NRG3: variants seen among roughly 807,000 people sequenced by gnomAD.
The protein encoded by NRG3 is neuregulin 3.
A neutral mutation model predicts 66.9 loss-of-function variants in NRG3; 31 were observed. That is an observed-to-expected ratio of 0.46 (90% confidence interval 0.35 to 0.63). The LOEUF is 0.63. NRG3 is among the 20% of genes least tolerant of loss of function. NRG3 has a pLI of 0.00. For synonymous variants in NRG3, 393 were observed against 359.4 expected (o/e 1.09, Z -1.06); for missense variants, 910 against 878.9 (o/e 1.04, Z -0.45).
chr10:82,365,930 G>GT (rs1379086802), intron 2 of NRG3, among the ~76,000 whole-genome samples: 1 of 152,118 alleles, frequency 6.6e-6, no homozygotes. Context: ...AGGAAATGGT[G>GT]TTTTTTAAGG....
chr10:82,513,539 T>G (rs1293521657), intron 2 of NRG3, among the ~76,000 whole-genome samples: 1 of 152,218 alleles, frequency 6.6e-6, no homozygotes, highest in East Asian at 1.9e-4. Context: ...TTTCCAATGG[T>G]TGAACTGACT....
intron 2 of NRG3, among the ~76,000 whole-genome samples, chr10:82,559,126 C>T (rs1041175042): frequency 2.6e-5 from 4 of 152,028 alleles, no homozygotes; most frequent in African/African-American, 9.7e-5. Context: ...TTATTTTCCC[C>T]TCTCATCTAT....
At chr10:81,935,433 G>T (rs1055466123) in intron 1 of NRG3, among the ~76,000 whole-genome samples, 2 of 152,152 alleles carry the variant, frequency 1.3e-5, no homozygotes, top group Non-Finnish European at 2.9e-5. Context: ...GTATAAGGAT[G>T]AAAGGTAAGT....
intron 6 of NRG3, among the ~76,000 whole-genome samples, chr10:82,964,866 C>T (rs1160670764): frequency 6.6e-6 from 1 of 152,210 alleles, no homozygotes; most frequent in Non-Finnish European, 1.5e-5. Flanking sequence ...CTGCTGTGTG[C>T]ATGTGGCAGA....
chr10:82,549,756 C>G (rs556807576), intron 2 of NRG3, among the ~76,000 whole-genome samples: 1 of 152,112 alleles, frequency 6.6e-6, no homozygotes, highest in African/African-American at 2.4e-5. Flanking sequence ...AGTTTTCTGT[C>G]TGAGGCATAT....
intron 1 of NRG3, among the ~76,000 whole-genome samples, chr10:81,976,000 T>G (rs2060111214): frequency 6.6e-6 from 1 of 152,140 alleles, no homozygotes; most frequent in Non-Finnish European, 1.5e-5. Flanking sequence ...AATCTTTTCT[T>G]GAGATTTCAG....
At chr10:82,687,604 G>A (rs2054611415) in intron 2 of NRG3, among the ~76,000 whole-genome samples, 1 of 152,100 alleles carries the variant, frequency 6.6e-6, no homozygotes, top group Non-Finnish European at 1.5e-5. Context: ...AGAAGAGGGT[G>A]CTGCATATAG....
intron 1 of NRG3, among the ~76,000 whole-genome samples, chr10:82,094,411 ATCTC>A (rs1054662641): frequency 6.6e-6 from 1 of 152,204 alleles, no homozygotes; most frequent in African/African-American, 2.4e-5. Flanking sequence ...AATTAGCACA[ATCTC>A]TATGGTAAAA....
chr10:81,903,793 T>C lies in NRG3; in HGVS notation c.823+27630T>C, dbSNP rs192403227. ...ACAAACATGTTCAACTGTTTTGTGT[T>C]TTCCATGTTAAAACCTAAAGATGGA... On this transcript the variant is annotated intron_variant, in intron 1 of 8. Transcript: ENST00000372141. Among the ~76,000 whole-genome samples the C allele has an allele frequency of 1.2e-3, 177 of 152,288 alleles. 1 individual carries two copies. The highest frequency in any genetic ancestry group is 0.01 in the Middle Eastern group (3 of 292).
At chr10:82,317,429 A>T (rs1351809492) in intron 1 of NRG3, among the ~76,000 whole-genome samples, 1 of 152,182 alleles carries the variant, frequency 6.6e-6, no homozygotes, top group Non-Finnish European at 1.5e-5. Flanking sequence ...GAATAAATTA[A>T]TATTCTTCTC....
chr10:82,155,540 A>G lies in NRG3; in HGVS notation c.824-203199A>G, dbSNP rs573886679. ...TTCATTAGTTCTCATATGGCTGTGT[A>G]AAAATGCTAATTACAAACATATCGT... is the stretch of plus-strand genomic sequence containing the variant. On this transcript the variant is annotated intron_variant, in intron 1 of 8. Transcript: ENST00000372141. Among the ~76,000 whole-genome samples, 5 of 151,854 alleles carry G rather than the reference A, an allele frequency of 3.3e-5. No individual in the cohort carries two copies. The South Asian group carries it at 8.3e-4, about 25-fold the overall frequency.
chr10:81,974,040 G>C (rs894612441), intron 1 of NRG3, among the ~76,000 whole-genome samples: 2 of 152,018 alleles, frequency 1.3e-5, no homozygotes, highest in African/African-American at 2.4e-5. Flanking sequence ...TATAGTTTTG[G>C]GTTTTACATT....
chr10:82,122,377 A>T (rs2068146508), intron 1 of NRG3, among the ~76,000 whole-genome samples: 1 of 152,090 alleles, frequency 6.6e-6, no homozygotes, highest in Non-Finnish European at 1.5e-5. Flanking sequence ...GCTTTTGCTT[A>T]TGGCACAGAT....
chr10:82,225,100 GA>G, intron 1 of NRG3, among the ~76,000 whole-genome samples: 1 of 151,836 alleles, frequency 6.6e-6, no homozygotes, highest in African/African-American at 2.4e-5. Context: ...TTACTAGGAA[GA>G]AAAAAATGCA....
At chr10:81,970,373 GCAA>G (rs2059889407) in intron 1 of NRG3, among the ~76,000 whole-genome samples, 1 of 152,142 alleles carries the variant, frequency 6.6e-6, no homozygotes, top group South Asian at 2.1e-4. Flanking sequence ...CAAAATAATT[GCAA>G]CAACAAGACC....
chr10:82,826,895 C>G (rs906412654), intron 3 of NRG3, among the ~76,000 whole-genome samples: 1 of 151,834 alleles, frequency 6.6e-6, no homozygotes, highest in African/African-American at 2.4e-5. Flanking sequence ...GCACATGTAC[C>G]CCCTGCACCT....
At chr10:82,080,418 A>C (rs558517065) in intron 1 of NRG3, among the ~76,000 whole-genome samples, 121 of 152,242 alleles carry the variant, frequency 7.9e-4, no homozygotes, top group African/African-American at 2.8e-3. Flanking sequence ...TTATAGATAG[A>C]TTGCATTATA....
At chr10:81,930,901 A>G (rs1847281626) in intron 1 of NRG3, among the ~76,000 whole-genome samples, 1 of 152,174 alleles carries the variant, frequency 6.6e-6, no homozygotes, top group African/African-American at 2.4e-5. Context: ...TCTGTCTGGA[A>G]CTGGTTCCAG....
chr10:82,062,193 A>G (rs1376202005), intron 1 of NRG3, among the ~76,000 whole-genome samples: 3 of 152,096 alleles, frequency 2.0e-5, no homozygotes, highest in East Asian at 3.9e-4. Context: ...AAGAGGCCCA[A>G]GGTCCCTGAG....
Sources: allele counts gnomAD v4.1 joint callset (sites outside exome capture counted in the v4.1 genomes callset), GRCh38; gene constraint gnomAD v4.1.1; transcripts MANE v1.5; gene names NCBI Gene and HGNC (gene_info 2026-07-23, HGNC 2026-07-21).